PDE8B: variants seen among roughly 807,000 people sequenced by gnomAD.
PDE8B encodes the protein high affinity cAMP-specific and IBMX-insensitive 3',5'-cyclic phosphodiesterase 8B.
A neutral mutation model predicts 101.3 loss-of-function variants in PDE8B; 26 were observed. The observed-to-expected ratio is 0.26, with a 90% CI of 0.19 to 0.36. PDE8B has a LOEUF of 0.36. Among genes scored for constraint, PDE8B ranks in the 10% least tolerant of loss-of-function variants. The probability of loss-of-function intolerance (pLI) is 1.00; values close to 1 mark genes in which losing one functional copy is unlikely to be tolerated. For synonymous variants in PDE8B, 424 were observed against 429.3 expected, an observed-to-expected ratio of 0.99 and a Z score of 0.15; for missense variants, 810 against 1,163.1, an observed-to-expected ratio of 0.70 and a Z score of 4.42.
In PDE8B at chr5:77,377,756, G is replaced by A. The variant is rs116539012; in HGVS notation, c.1168-22492G>A. On this transcript the variant is annotated intron_variant, in intron 10 of 21. Coordinates refer to ENST00000264917, the MANE Select transcript of PDE8B (RefSeq NM_003719.5). ...GGCAGGCACCAGCCAATAAGCCAAG[G>A]GCTTGGATAGAATAAAAAGGCAGTG... is the stretch of plus-strand genomic sequence containing the variant. Among the ~76,000 whole-genome samples, 884 of 152,260 alleles carry A rather than the reference G, an allele frequency of 5.8e-3. 12 individuals carry two copies. Among genetic ancestry groups the A allele is most frequent in the African/African-American group, 0.02 (845 of 41,554 alleles).
intron 2 of PDE8B, among the ~76,000 whole-genome samples, chr5:77,324,569 T>C (rs1177279742): frequency 1.3e-5 from 2 of 152,222 alleles, no homozygotes; most frequent in African/African-American, 2.4e-5. Context: ...GTGGGTGGAA[T>C]TGCTTCTCAA....
At chr5:77,331,480 ATC>A (rs1295441771) in intron 5 of PDE8B, 21 bp downstream of exon 5, 1 of 1,596,880 alleles carries the variant, frequency 6.3e-7, no homozygotes, top group African/African-American at 1.3e-5. Context: ...GATATCCAGC[ATC>A]TCTCTCAGTT....
intron 1 of PDE8B, among the ~76,000 whole-genome samples, chr5:77,286,175 C>G (rs1765971472): frequency 6.6e-6 from 1 of 152,110 alleles, no homozygotes; most frequent in Admixed American, 6.5e-5. Flanking sequence ...AGGCGATTAG[C>G]TTGATTACAC....
intron 1 of PDE8B, among the ~76,000 whole-genome samples, chr5:77,297,381 C>G (rs1199980527): frequency 6.6e-6 from 1 of 152,116 alleles, no homozygotes; most frequent in African/African-American, 2.4e-5. Context: ...ACCAGTAGTT[C>G]CCAAACTTTA....
At chr5:77,320,510 T>C (rs575791716) in intron 2 of PDE8B, among the ~76,000 whole-genome samples, 35 of 152,296 alleles carry the variant, frequency 2.3e-4, no homozygotes, top group South Asian at 2.1e-3. Context: ...TGGATTCTTG[T>C]CCATGCTTTG....
intron 1 of PDE8B, among the ~76,000 whole-genome samples, chr5:77,272,146 A>C (rs546658298): frequency 6.6e-6 from 1 of 152,346 alleles, no homozygotes; most frequent in South Asian, 2.1e-4. Context: ...TTATTGGAGC[A>C]TGCCGAGGGC....
At chr5:77,309,943 C>CTTTTTTTTTTTT (rs955296324) in intron 1 of PDE8B, among the ~76,000 whole-genome samples, 1 of 114,152 alleles carries the variant, frequency 8.8e-6, no homozygotes, top group African/African-American at 3.3e-5. Context: ...AATCATTAAT[C>CTTTTTTTTTTTT]TTTTTTTTTT....
intron 11 of PDE8B, among the ~76,000 whole-genome samples, chr5:77,403,181 T>C (rs1021995912): frequency 6.6e-6 from 1 of 152,188 alleles, no homozygotes; most frequent in African/African-American, 2.4e-5. Context: ...TGGCATATGC[T>C]TTTTGTTAGT....
the PDE8B span, among the ~76,000 whole-genome samples, chr5:77,169,951 T>TACGAAGAC: frequency 1.3e-5 from 2 of 152,196 alleles, no homozygotes; most frequent in Non-Finnish European, 2.9e-5. Flanking sequence ...AACACGGCTC[T>TACGAAGAC]ATCTCAAGTT....
chr5:77,353,240 G>T, intron 9 of PDE8B, 106 bp from the exon 10 acceptor site: 1 of 744,770 alleles, frequency 1.3e-6, no homozygotes, highest in South Asian at 1.4e-5. Context: ...ACTGCCCTAG[G>T]ACGAACCCTG....
At chr5:77,230,928 ATGT>A (rs1179655120) in intron 1 of PDE8B, among the ~76,000 whole-genome samples, 1 of 152,198 alleles carries the variant, frequency 6.6e-6, no homozygotes, top group Non-Finnish European at 1.5e-5. Flanking sequence ...TGGTGAACAC[ATGT>A]TGTTCAGACC....
chr5:77,116,341 C>G, the PDE8B span, among the ~76,000 whole-genome samples: 2 of 150,744 alleles, frequency 1.3e-5, no homozygotes, highest in African/African-American at 4.9e-5. Flanking sequence ...AAACAATTCT[C>G]CTGCCTCAGC....
At chr5:77,156,608 AAGGAAC>A in the PDE8B span, among the ~76,000 whole-genome samples, 19 of 152,324 alleles carry the variant, frequency 1.2e-4, no homozygotes, top group African/African-American at 4.1e-4. Flanking sequence ...ACAATCTAGT[AAGGAAC>A]AGGCTTATAA....
the PDE8B span, among the ~76,000 whole-genome samples, chr5:77,198,168 A>C: frequency 4.5e-4 from 68 of 152,262 alleles, no homozygotes; most frequent in African/African-American, 1.5e-3. Context: ...GTAGGTCTGC[A>C]GTATTTTCTC....
intron 1 of PDE8B, among the ~76,000 whole-genome samples, chr5:77,225,091 C>T (rs1752048756): frequency 6.6e-6 from 1 of 152,014 alleles, no homozygotes; most frequent in African/African-American, 2.4e-5. Flanking sequence ...TCAATTAATT[C>T]CTTAGGGGTT....
At position 77,380,113 on chromosome 5, in the gene PDE8B, A is replaced by G. The variant is rs1051931490; in HGVS notation, c.1168-20135A>G. 2.6e-5 allele frequency among the ~76,000 whole-genome samples: 4 copies of G among 152,248 alleles called. No individual in the cohort carries two copies. The East Asian group carries it at 5.8e-4, about 22-fold the overall frequency. Reference sequence around the variant, plus strand: ...AACCAGGTTTTTTACCCCTTTCCATAACATTCAGGGGAATGGAGGATGAGA... The same window carrying G: ...AACCAGGTTTTTTACCCCTTTCCATGACATTCAGGGGAATGGAGGATGAGA... On this transcript the variant is annotated intron_variant, in intron 10 of 21. Coordinates refer to ENST00000264917, the MANE Select transcript of PDE8B (RefSeq NM_003719.5).
chr5:77,092,818 G>C, the PDE8B span, among the ~76,000 whole-genome samples: 3 of 152,178 alleles, frequency 2.0e-5, no homozygotes, highest in Non-Finnish European at 4.4e-5. Context: ...TACTCAGGAG[G>C]CTGAGGTGGG....
chr5:77,138,843 GAA>G, the PDE8B span, among the ~76,000 whole-genome samples: 1 of 152,028 alleles, frequency 6.6e-6, no homozygotes, highest in African/African-American at 2.4e-5. Flanking sequence ...ATCCAAAAAA[GAA>G]AAAAGTCTTA....
At chr5:77,180,560 A>G in the PDE8B span, 4 of 880,762 alleles carry the variant, frequency 4.5e-6, no homozygotes, top group Non-Finnish European at 5.4e-6. Flanking sequence ...CGCTGGCACA[A>G]GCCCAGAGCC....
Sources: allele counts gnomAD v4.1 joint callset (sites outside exome capture counted in the v4.1 genomes callset), GRCh38; gene constraint gnomAD v4.1.1; transcripts MANE v1.5; gene names NCBI Gene and HGNC (gene_info 2026-07-23, HGNC 2026-07-21).